DPP6: variants seen among roughly 807,000 people sequenced by gnomAD.
DPP6 encodes the protein dipeptidyl peptidase like 6, also known as A-type potassium channel modulatory protein DPP6.
Under a neutral mutation model 122.6 loss-of-function variants are expected in DPP6, and 69 were observed. The ratio of observed to expected loss-of-function variants is 0.56; its 90% CI spans 0.46 to 0.69. The LOEUF (loss-of-function observed/expected upper bound fraction) is 0.69, where lower values mean the gene tolerates loss of function less well. Among genes scored for constraint, DPP6 ranks in the 30% least tolerant of loss-of-function variants. The pLI is 0.00. For missense variants in DPP6, 928 were observed against 1,116.9 expected, an observed-to-expected ratio of 0.83 and a Z score of 2.41; for synonymous variants, 418 against 433.1, an observed-to-expected ratio of 0.97 and a Z score of 0.43.
At chr7:154,325,874 T>C (rs1808400181) in intron 1 of DPP6, among the ~76,000 whole-genome samples, 1 of 152,206 alleles carries the variant, frequency 6.6e-6, no homozygotes, top group African/African-American at 2.4e-5. Context: ...CTCTGTTACC[T>C]GAATGTCTTA....
intron 1 of DPP6, among the ~76,000 whole-genome samples, chr7:153,953,856 T>C (rs530317246): frequency 3.6e-4 from 55 of 152,332 alleles, no homozygotes; most frequent in African/African-American, 1.0e-3. Flanking sequence ...TCAGGGAATT[T>C]GCTCACCTCA....
At chr7:154,192,363 C>T (rs545804866) in intron 1 of DPP6, among the ~76,000 whole-genome samples, 61 of 152,260 alleles carry the variant, frequency 4.0e-4, no homozygotes, top group Non-Finnish European at 1.8e-4. Context: ...ATCCCTACTA[C>T]AATTAGCTAA....
At chr7:153,960,730 T>TGTGC (rs1554419089) in intron 1 of DPP6, among the ~76,000 whole-genome samples, 14 of 146,204 alleles carry the variant, frequency 9.6e-5, no homozygotes, top group African/African-American at 2.4e-4. Flanking sequence ...TGTGTGTGTG[T>TGTGC]GCATATTTGT....
chr7:154,597,264 C>T (rs561075610), intron 5 of DPP6, among the ~76,000 whole-genome samples: 2 of 151,948 alleles, frequency 1.3e-5, no homozygotes, highest in Admixed American at 1.3e-4. Context: ...AATGGAAGCA[C>T]AATTGTGGGT....
At chr7:153,903,892 A>G (rs1799740219) in intron 1 of DPP6, among the ~76,000 whole-genome samples, 1 of 152,212 alleles carries the variant, frequency 6.6e-6, no homozygotes, top group African/African-American at 2.4e-5. Flanking sequence ...CTACAGAAGC[A>G]GGAAGAGGAC....
chr7:153,913,491 A>T (rs7780885), intron 1 of DPP6, among the ~76,000 whole-genome samples: 3,840 of 152,264 alleles, frequency 0.025, 152 homozygotes, highest in African/African-American at 0.086. Context: ...TAAAAATTGG[A>T]TAAAAATATG....
intron 5 of DPP6, among the ~76,000 whole-genome samples, chr7:154,591,962 A>C (rs1455620881): frequency 6.6e-6 from 1 of 152,228 alleles, no homozygotes; most frequent in Admixed American, 6.5e-5. Context: ...TGGTACAGAC[A>C]AGGGCCTGGT....
intron 25 of DPP6, chr7:154,890,920 A>G (rs183722450): frequency 6.6e-6 from 1 of 152,354 alleles, no homozygotes; most frequent in Admixed American, 6.5e-5. Context: ...GAGGCAGTCT[A>G]GTGTCATAGA....
chr7:154,540,661 GT>G, intron 4 of DPP6, 35 bp downstream of exon 4: 1 of 1,316,346 alleles, frequency 7.6e-7, no homozygotes, highest in South Asian at 1.4e-5. Context: ...GATAATTTCA[GT>G]TTTTCTTCCT....
Position 154,801,413 on chromosome 7 carries a change from C to A in DPP6, c.1358C>A (p.Pro453His). Reference protein sequence around the residue: ...GRKFFFIRAIPQGGRGKFYHI... With the variant: ...GRKFFFIRAIHQGGRGKFYHI... ...AAGTTTTTCTTCATCAGAGCCATCC[C>A]CCAGGGAGGACGAGGGAAATTCTAT... Residue 453 changes from proline to histidine, a missense_variant, in exon 13 of 26, where the codon CCC (proline) becomes CAC (histidine). Physicochemically the swap from Pro to His is moderately conservative, Grantham distance 77. Transcript: ENST00000377770. 6.3e-7 allele frequency: 1 copy of A among 1,597,050 alleles called. No homozygotes were observed. Among genetic ancestry groups the A allele is most frequent in the East Asian group, 2.3e-5 (1 of 44,440 alleles).
chr7:154,691,994 C>CACTT (rs1839958305), intron 7 of DPP6, among the ~76,000 whole-genome samples: 4 of 55,650 alleles, frequency 7.2e-5, no homozygotes, highest in Admixed American at 2.0e-4. Flanking sequence ...ACCCAGCCCT[C>CACTT]ACTGGATTGA....
intron 9 of DPP6, 138 bp downstream of exon 9, chr7:154,769,709 C>T (rs1038846622): frequency 8.8e-7 from 1 of 1,141,490 alleles, no homozygotes; most frequent in African/African-American, 1.6e-5. Flanking sequence ...AATCATGTCT[C>T]ATTACATTGC....
intron 5 of DPP6, among the ~76,000 whole-genome samples, chr7:154,619,523 A>G (rs984091184): frequency 6.6e-6 from 1 of 152,202 alleles, no homozygotes; most frequent in East Asian, 1.9e-4. Context: ...ACTCTCACCT[A>G]TATTACACAG....
chr7:154,868,517 G>C (rs1049920812), intron 18 of DPP6, among the ~76,000 whole-genome samples: 2 of 152,190 alleles, frequency 1.3e-5, no homozygotes, highest in African/African-American at 4.8e-5. Context: ...TACGTGAGGA[G>C]GTTTGAGTGC....
Position 153,887,117 on chromosome 7 carries a change from C to T in DPP6, c.-567C>T, listed in dbSNP as rs191545120. On this transcript the variant is annotated 5_prime_UTR_variant, in exon 1 of 26. Coordinates refer to the DPP6 transcript ENST00000404039. ...AGCTCAGTTCAGACAGAAAACCTGG[C>T]GCGCGCGCGCGCACACACACACGCC... The T allele has an allele frequency of 4.5e-3, 682 of 152,330 alleles. 3 individuals carry two copies. Among genetic ancestry groups the T allele is most frequent in the Non-Finnish European group, 7.6e-3 (520 of 68,238 alleles). The allele number at this position is 152,330 out of a possible 1,614,324, so 9.4% of individuals were successfully genotyped here. A position where few individuals can be genotyped will look rare whatever the true frequency, so the allele number is the denominator to read the frequency against.
chr7:153,784,430 CT>C, the DPP6 span, among the ~76,000 whole-genome samples: 2 of 152,056 alleles, frequency 1.3e-5, no homozygotes, highest in Admixed American at 1.3e-4. Context: ...AGCATTATGC[CT>C]AGAATAATTT....
intron 1 of DPP6, among the ~76,000 whole-genome samples, chr7:154,425,007 T>C (rs1266663564): frequency 6.6e-6 from 1 of 152,232 alleles, no homozygotes; most frequent in Non-Finnish European, 1.5e-5. Flanking sequence ...TGAAGTCTTA[T>C]GCACATTTAA....
chr7:154,454,032 T>C (rs1820615684), intron 2 of DPP6, among the ~76,000 whole-genome samples: 2 of 152,212 alleles, frequency 1.3e-5, no homozygotes, highest in African/African-American at 2.4e-5. Flanking sequence ...ATAGATGGCT[T>C]GCTCCGTATC....
the DPP6 span, among the ~76,000 whole-genome samples, chr7:153,795,019 G>A: frequency 1.6e-4 from 25 of 152,232 alleles, no homozygotes; most frequent in East Asian, 7.7e-4. Context: ...TATCAGCAGC[G>A]TGAAAATGGA....
Sources: gnomAD v4.1 joint callset for allele counts (sites outside exome capture counted in the v4.1 genomes callset) on GRCh38, gnomAD v4.1.1 for gene constraint, MANE v1.5 for transcripts, NCBI Gene and HGNC (gene_info 2026-07-23, HGNC 2026-07-21) for gene names.